CNTNAP2: variants seen among roughly 807,000 people sequenced by gnomAD.
The protein encoded by CNTNAP2 is contactin associated protein 2, also known as contactin-associated protein-like 2.
A neutral mutation model predicts 155.2 loss-of-function variants in CNTNAP2; 98 were observed. The observed-to-expected ratio is 0.63, with a 90% CI of 0.54 to 0.75. The LOEUF (loss-of-function observed/expected upper bound fraction) is 0.75. Among genes scored for constraint, CNTNAP2 ranks in the 30% least tolerant of loss-of-function variants. The pLI is 0.00. For missense variants in CNTNAP2, 1,727 were observed against 1,688.1 expected (o/e 1.02, Z -0.40); for synonymous variants, 651 against 631.2 (o/e 1.03, Z -0.47).
intron 14 of CNTNAP2, among the ~76,000 whole-genome samples, chr7:147,962,367 A>T (rs1275599846): frequency 1.3e-5 from 2 of 152,214 alleles, no homozygotes; most frequent in African/African-American, 2.4e-5. Context: ...GAAGCTATGC[A>T]AGAGGCAGCC....
intron 1 of CNTNAP2, among the ~76,000 whole-genome samples, chr7:146,226,169 T>A (rs1460722020): frequency 6.6e-6 from 1 of 152,204 alleles, no homozygotes; most frequent in African/African-American, 2.4e-5. Context: ...GCCTCGGCCC[T>A]ACTGAGATTA....
intron 1 of CNTNAP2, among the ~76,000 whole-genome samples, chr7:146,144,944 A>G (rs1408539645): frequency 2.0e-5 from 3 of 152,210 alleles, no homozygotes; most frequent in African/African-American, 7.2e-5. Flanking sequence ...AGAAAGTCCC[A>G]GATGACTTTT....
chr7:148,140,256 C>A (rs1369864526), intron 16 of CNTNAP2, among the ~76,000 whole-genome samples: 1 of 152,048 alleles, frequency 6.6e-6, no homozygotes, highest in Non-Finnish European at 1.5e-5. Context: ...CCTCCATGTT[C>A]AGAGTCTTTA....
chr7:147,654,840 G>A lies in CNTNAP2; in HGVS notation c.2098+15534G>A, dbSNP rs573507085. Among the ~76,000 whole-genome samples, 13 of 111,398 alleles carry A rather than the reference G, an allele frequency of 1.2e-4. No individual in the cohort carries two copies. In the East Asian group the frequency reaches 3.2e-3, roughly 27 times the overall value. 73.1% of individuals were successfully genotyped at this position (111,398 alleles called of 152,430 possible). The stretch of plus-strand genomic sequence containing the variant: ...TTTTTTTTTTTTTTTTTGAGACTGA[G>A]TCTCACTCTGTCGCCCAGGCTGGAG... On this transcript the variant is annotated intron_variant, in intron 13 of 23. Transcript: ENST00000361727.
intron 4 of CNTNAP2, among the ~76,000 whole-genome samples, chr7:147,072,564 A>G (rs1029587946): frequency 6.6e-6 from 1 of 152,096 alleles, no homozygotes; most frequent in African/African-American, 2.4e-5. Context: ...CTAGACTAGG[A>G]TGGTGGTAGC....
At chr7:147,896,963 G>A (rs1239251277) in intron 13 of CNTNAP2, 1 of 151,566 alleles carries the variant, frequency 6.6e-6, no homozygotes, top group Non-Finnish European at 1.5e-5. Flanking sequence ...AGTCGATTAA[G>A]TTAGATCTCT....
At chr7:147,169,155 C>T (rs1403111678) in intron 8 of CNTNAP2, among the ~76,000 whole-genome samples, 4 of 152,106 alleles carry the variant, frequency 2.6e-5, no homozygotes, top group South Asian at 4.1e-4. Context: ...TTTATCTATA[C>T]GACTCTAATG....
intron 13 of CNTNAP2, among the ~76,000 whole-genome samples, chr7:147,774,722 CTTGATGT>C (rs1449940088): frequency 1.3e-5 from 2 of 152,124 alleles, no homozygotes; most frequent in Non-Finnish European, 2.9e-5. Context: ...TGGATGGCAC[CTTGATGT>C]TGGACTTTCC....
chr7:146,147,892 G>T (rs564401080), intron 1 of CNTNAP2, among the ~76,000 whole-genome samples: 2 of 151,898 alleles, frequency 1.3e-5, no homozygotes, highest in African/African-American at 4.8e-5. Flanking sequence ...GCCATTTTAC[G>T]GAAAAATTTT....
At chr7:147,246,148 A>C (rs894691891) in intron 8 of CNTNAP2, among the ~76,000 whole-genome samples, 1 of 146,500 alleles carries the variant, frequency 6.8e-6, no homozygotes, top group African/African-American at 2.7e-5. Context: ...TATTTTAAAG[A>C]AGTGACTCAT....
At chr7:146,681,055 T>C (rs1207600674) in intron 1 of CNTNAP2, among the ~76,000 whole-genome samples, 1 of 152,074 alleles carries the variant, frequency 6.6e-6, no homozygotes, top group Non-Finnish European at 1.5e-5. Context: ...AACTTTTGAA[T>C]ACTCTAAAAT....
At chr7:147,870,147 T>C (rs1397404241) in intron 13 of CNTNAP2, among the ~76,000 whole-genome samples, 2 of 152,118 alleles carry the variant, frequency 1.3e-5, no homozygotes, top group Non-Finnish European at 2.9e-5. Flanking sequence ...GACAAGAATA[T>C]ATGTGCAAGA....
chr7:147,033,788 G>A (rs1273407448), intron 3 of CNTNAP2, among the ~76,000 whole-genome samples: 2 of 147,572 alleles, frequency 1.4e-5, no homozygotes, highest in Non-Finnish European at 3.0e-5. Context: ...TCACAATTGA[G>A]TGAAGAGGGG....
At chr7:147,340,588 G>T (rs544232256) in intron 9 of CNTNAP2, among the ~76,000 whole-genome samples, 2 of 152,124 alleles carry the variant, frequency 1.3e-5, no homozygotes, top group South Asian at 4.2e-4. Flanking sequence ...AGAAGTAGGA[G>T]CTCCTTGTCA....
At chr7:148,036,255 G>C (rs1368586593) in intron 15 of CNTNAP2, among the ~76,000 whole-genome samples, 2 of 152,168 alleles carry the variant, frequency 1.3e-5, no homozygotes, top group Non-Finnish European at 2.9e-5. Context: ...ATGTGAGAAA[G>C]ACATGAATTT....
At chr7:148,206,556 C>T (rs1204049332) in intron 18 of CNTNAP2, among the ~76,000 whole-genome samples, 2 of 152,116 alleles carry the variant, frequency 1.3e-5, no homozygotes, top group African/African-American at 4.8e-5. Flanking sequence ...CACCTGCAGC[C>T]GTACATCACC....
intron 1 of CNTNAP2, among the ~76,000 whole-genome samples, chr7:146,120,485 C>T (rs887082856): frequency 6.6e-6 from 1 of 152,128 alleles, no homozygotes; most frequent in African/African-American, 2.4e-5. Context: ...AATTAATCCA[C>T]AAATTTAATT....
rs71188974 is a variant in CNTNAP2, at chr7:148,351,744, CAAA to C, written c.3476-31891_3476-31889del. The stretch of plus-strand genomic sequence containing the variant: ...GGCAACAGAGTGAGACTCTGTCTCA[CAAA>C]AAAAAAAAAAAAATAGAAACCGAGA... On this transcript the variant is annotated intron_variant, in intron 21 of 23. Coordinates refer to ENST00000361727, the MANE Select transcript of CNTNAP2 (RefSeq NM_014141.6). Among the ~76,000 whole-genome samples, 19 of 85,388 alleles carry C rather than the reference CAAA, an allele frequency of 2.2e-4. 1 individual carries two copies. The highest frequency in any genetic ancestry group is 9.2e-4 in the African/African-American group (18 of 19,484). 56.0% of individuals were successfully genotyped at this position (85,388 alleles called of 152,430 possible).
intron 1 of CNTNAP2, among the ~76,000 whole-genome samples, chr7:146,182,347 T>C (rs1798561130): frequency 1.3e-5 from 2 of 152,136 alleles, no homozygotes; most frequent in African/African-American, 2.4e-5. Context: ...AAAATGGCTA[T>C]GCAATTGGGA....
Sources: allele counts gnomAD v4.1 joint callset (sites outside exome capture counted in the v4.1 genomes callset), GRCh38; gene constraint gnomAD v4.1.1; transcripts MANE v1.5; gene names NCBI Gene and HGNC (gene_info 2026-07-23, HGNC 2026-07-21).